USP7: variants seen among roughly 807,000 people sequenced by gnomAD.
The protein encoded by USP7 is ubiquitin specific peptidase 7.
USP7 carries 9 observed loss-of-function variants against 162.9 expected under a neutral mutation model. The observed-to-expected ratio is 0.06, with a 90% confidence interval of 0.03 to 0.10. USP7 has a LOEUF of 0.10. USP7 is among the 10% of genes least tolerant of loss of function. USP7 has a pLI of 1.00. For missense variants in USP7, 715 were observed against 1,373.7 expected, an observed-to-expected ratio of 0.52 and a Z score of 7.58; for synonymous variants, 562 against 475.9, an observed-to-expected ratio of 1.18 and a Z score of -2.35.
intron 2 of USP7, among the ~76,000 whole-genome samples, chr16:8,927,486 TTA>T (rs1898077354): frequency 6.6e-6 from 1 of 152,136 alleles, no homozygotes; most frequent in Non-Finnish European, 1.5e-5. Flanking sequence ...TCCCCACAAA[TTA>T]GTTTCATGGA....
intron 1 of USP7, among the ~76,000 whole-genome samples, chr16:8,955,871 C>G (rs904552428): frequency 6.6e-6 from 1 of 152,236 alleles, no homozygotes; most frequent in African/African-American, 2.4e-5. Flanking sequence ...CCTACACATT[C>G]AGAGGAATGC....
chr16:8,929,372 C>A, intron 2 of USP7: 1 of 416,714 alleles, frequency 2.4e-6, no homozygotes, highest in Non-Finnish European at 4.8e-6. Context: ...TCTTTACCTT[C>A]CTCAGATATT....
intron 3 of USP7, among the ~76,000 whole-genome samples, chr16:8,922,895 T>A (rs1236899537): frequency 6.6e-6 from 1 of 152,222 alleles, no homozygotes; most frequent in Admixed American, 6.5e-5. Context: ...GATGTCTGGC[T>A]CTGACAGCTG....
chr16:8,904,223 G>A (rs981966833), intron 15 of USP7, among the ~76,000 whole-genome samples: 1 of 152,214 alleles, frequency 6.6e-6, no homozygotes, highest in African/African-American at 2.4e-5. Flanking sequence ...AGAGCACGTG[G>A]AGCAGCTTCT....
intron 1 of USP7, among the ~76,000 whole-genome samples, chr16:8,933,898 G>A (rs1898528232): frequency 6.6e-6 from 1 of 151,990 alleles, no homozygotes; most frequent in Admixed American, 6.6e-5. Flanking sequence ...TAGGATTACA[G>A]CCGTGTGCCA....
At chr16:8,902,537 T>C (rs750130160) in intron 16 of USP7, 55 bp from the exon 17 acceptor site, 289 of 1,429,276 alleles carry the variant, frequency 2.0e-4, no homozygotes, top group Non-Finnish European at 2.6e-4. Flanking sequence ...ATTTTAGTCC[T>C]CTATATTACA....
chr16:8,911,565 C>T (rs568065703), intron 10 of USP7, among the ~76,000 whole-genome samples: 2 of 152,310 alleles, frequency 1.3e-5, no homozygotes, highest in East Asian at 1.9e-4. Context: ...CGGACACATG[C>T]GGTACAGGAC....
chr16:8,894,056 T>C lies in USP7; in HGVS notation c.3251A>G (p.Lys1084Arg). ...RPWLGLDHFN[K>R]APKRSRYTYL... is the part of the protein sequence containing the mutation. ...AGTGTAGCGACTCCTCTTTGGGGCT[T>C]TGTTGAAGTGGTCGAGCCCTAGCCA... The change falls in exon 31 of 31, where the codon AAA (lysine) becomes AGA (arginine). Residue 1084 changes from lysine to arginine, a missense_variant. By Grantham distance (26) the Lys-to-Arg change is conservative. Around this residue, in one of 11 missense-constraint regions of USP7, gnomAD observed 222 missense variants for 441.7 expected, o/e 0.50. Transcript: ENST00000344836. 2 of 1,614,132 alleles carry C rather than the reference T, an allele frequency of 1.2e-6. No homozygotes were observed. Among genetic ancestry groups the C allele is most frequent in the South Asian group, 1.1e-5 (1 of 91,074 alleles).
rs1370844869 is a variant in USP7 at position 8,893,409 on chromosome 16, C to G, written c.*589G>C. On this transcript the variant is annotated 3_prime_UTR_variant, in exon 31 of 31. Transcript: ENST00000344836. ...GCAAAGGGGCTGCAGACAGTAGTGG[C>G]TGACGAGGTGAGACAAGTTTATTAA... 1.9e-5 allele frequency: 3 copies of G among 154,100 alleles called. No individual in the cohort carries two copies. The highest frequency in any genetic ancestry group is 3.8e-4 in the East Asian group (2 of 5,238). 9.5% of individuals were successfully genotyped at this position (154,100 alleles called of 1,614,324 possible).
At position 8,930,299 on chromosome 16, in the gene USP7, C is replaced by T. The variant is rs1372192859; in HGVS notation, c.178G>A (p.Glu60Lys). 2 of 1,612,386 alleles carry T rather than the reference C, an allele frequency of 1.2e-6. No individual in the cohort carries two copies. Among genetic ancestry groups the T allele is most frequent in the Non-Finnish European group, 1.7e-6 (2 of 1,179,080 alleles). Residue 60 changes from glutamate to lysine, a missense_variant, in exon 2 of 31, where the codon GAG (glutamate) becomes AAG (lysine). Coordinates refer to ENST00000344836, the MANE Select transcript of USP7 (RefSeq NM_003470.3). ...DGHNTAEEDM[E>K]DDTSWRSEAT... Reference sequence around the variant, plus strand: ...GTGAACCACAGGCACTTACCATCCTCCATGTCCTCCTCCGCGGTGTTGTGT... The same window carrying T: ...GTGAACCACAGGCACTTACCATCCTTCATGTCCTCCTCCGCGGTGTTGTGT...
rs2061641504 is a variant in USP7, at chr16:8,893,844, G to A, written c.*154C>T. ...AAAAAGGGCAGTCAATAGATACAGA[G>A]AAGCCAAACTGAACAGCCTCAATAA... On this transcript the variant is annotated 3_prime_UTR_variant, in exon 31 of 31. Coordinates refer to ENST00000344836, the MANE Select transcript of USP7 (RefSeq NM_003470.3). 4.5e-6 allele frequency: 3 copies of A among 660,224 alleles called. No individual in the cohort carries two copies. Among genetic ancestry groups the A allele is most frequent in the Non-Finnish European group, 8.0e-6 (3 of 375,106 alleles). 40.9% of individuals were successfully genotyped at this position (660,224 alleles called of 1,614,324 possible).
rs2061933273 is a variant in USP7 at position 8,910,730 on chromosome 16, A to G, written c.1161+15T>C. 1 of 1,613,000 alleles carries G rather than the reference A, an allele frequency of 6.2e-7. No individual in the cohort carries two copies. Among genetic ancestry groups the G allele is most frequent in the Non-Finnish European group, 8.5e-7 (1 of 1,179,110 alleles). ...AACGCTACAACAGGACACTAGCACA[A>G]AACACTCAATTTACCTGTAAGCCAT... On this transcript the variant is annotated intron_variant, in intron 11 of 30. Transcript: ENST00000344836.
intron 10 of USP7, among the ~76,000 whole-genome samples, chr16:8,912,471 A>G (rs1477404729): frequency 6.6e-6 from 1 of 151,972 alleles, no homozygotes; most frequent in African/African-American, 2.4e-5. Flanking sequence ...AAGAAAGAAA[A>G]AAGAAAATAA....
intron 1 of USP7, chr16:8,956,265 A>C (rs926074896): frequency 1.3e-5 from 2 of 152,186 alleles, no homozygotes; most frequent in Non-Finnish European, 2.9e-5. Flanking sequence ...TTCCTTCTAA[A>C]TAGTTTTTAG....
chr16:8,899,989 C>G (rs2061748512), intron 21 of USP7: 1 of 593,234 alleles, frequency 1.7e-6, no homozygotes, highest in Non-Finnish European at 3.0e-6. Context: ...CATTCTCATC[C>G]CACTACAAAA....
At chr16:8,915,744 G>T (rs1364043239) in intron 8 of USP7, among the ~76,000 whole-genome samples, 2 of 152,112 alleles carry the variant, frequency 1.3e-5, no homozygotes, top group Non-Finnish European at 2.9e-5. Context: ...CTTTTATACA[G>T]CCTTTGGAAT....
At chr16:8,914,972 C>T (rs2062006479) in intron 10 of USP7, among the ~76,000 whole-genome samples, 1 of 152,188 alleles carries the variant, frequency 6.6e-6, no homozygotes, top group African/African-American at 2.4e-5. Context: ...TTTAAACAGA[C>T]ACCTAAAACA....
At position 8,963,635 on chromosome 16, in the gene USP7, GGGCCGGCCGGGGGCGGAGGGC is replaced by G. The variant is rs1472254558; in HGVS notation, c.-371_-351del. ...GCCGGGGCCGGGGCTGCGGGGCCGC[GGGCCGGCCGGGGGCGGAGGGC>G]GGCCGGTCGGGGGCCGCGGAGTCAG... On this transcript the variant is annotated 5_prime_UTR_variant, in exon 1 of 31. Coordinates refer to ENST00000344836, the MANE Select transcript of USP7 (RefSeq NM_003470.3). Among the ~76,000 whole-genome samples the G allele has an allele frequency of 7.1e-6, 1 of 141,770 alleles. No homozygotes were observed. The highest frequency in any genetic ancestry group is 2.5e-5 in the African/African-American group (1 of 39,600). 93.0% of individuals were successfully genotyped at this position (141,770 alleles called of 152,430 possible).
At chr16:8,940,259 A>G (rs1359766413) in intron 1 of USP7, among the ~76,000 whole-genome samples, 1 of 152,166 alleles carries the variant, frequency 6.6e-6, no homozygotes, top group Non-Finnish European at 1.5e-5. Flanking sequence ...GGTCATATAC[A>G]CATCTGGCCT....
Sources: gnomAD v4.1 joint callset for allele counts (sites outside exome capture counted in the v4.1 genomes callset) on GRCh38, gnomAD v4.1.1 for gene constraint, gnomAD v4.1.1 regional missense constraint, MANE v1.5 for transcripts, NCBI Gene and HGNC (gene_info 2026-07-23, HGNC 2026-07-21) for gene names.